MYO1C: variants seen among roughly 807,000 people sequenced by gnomAD.
MYO1C encodes the protein unconventional myosin-Ic.
A neutral mutation model predicts 150.8 loss-of-function variants in MYO1C; 104 were observed. The ratio of observed to expected loss-of-function variants is 0.69; its 90% CI spans 0.59 to 0.81. MYO1C has a LOEUF of 0.81. Ranked by LOEUF, MYO1C falls within the 30% of genes least tolerant of loss-of-function variation. The pLI is 0.00. For missense variants in MYO1C, 1,504 were observed against 1,435.0 expected (o/e 1.05, Z -0.78); for synonymous variants, 663 against 579.9 (o/e 1.14, Z -2.06).
chr17:1,472,003 A>G lies in MYO1C; in HGVS notation c.1925T>C (p.Ile642Thr), dbSNP rs1352738599. The part of the protein sequence containing the change: ...KQPGRFDEVL[I>T]RHQVKYLGLL... The stretch of plus-strand genomic sequence containing the variant: ...CCCCAGGTACTTCACCTGGTGGCGG[A>G]TCAGCACCTCGTCAAAGCGGCCTGG... Residue 642 changes from isoleucine to threonine, a missense_variant, in exon 19 of 32, where the codon ATC (isoleucine) becomes ACC (threonine). Physicochemically the swap from Ile to Thr is moderately conservative, Grantham distance 89. Coordinates refer to ENST00000648651, the MANE Select transcript of MYO1C (RefSeq NM_001080779.2). 2 of 1,613,836 alleles carry G rather than the reference A, an allele frequency of 1.2e-6. No homozygotes were observed. Among genetic ancestry groups the G allele is most frequent in the Non-Finnish European group, 8.5e-7 (1 of 1,179,976 alleles).
chr17:1,470,505 A>ACTGG lies in MYO1C; in HGVS notation c.2292_2295dup (p.Ser766ProfsTer78). 1.0e-5 allele frequency: 16 copies of ACTGG among 1,552,464 alleles called. No individual in the cohort carries two copies. Among genetic ancestry groups the ACTGG allele is most frequent in the Non-Finnish European group, 1.3e-5 (15 of 1,147,772 alleles). On this transcript the variant is annotated frameshift_variant, in exon 23 of 32. Transcript: ENST00000648651. LOFTEE classifies it high-confidence loss of function. ...CGGCCCAGTGTTCCACGCCACCACGACTGGATGCAGATGGCTGTCGTGGAG... is the reference window on the plus strand; with the variant it reads ...CGGCCCAGTGTTCCACGCCACCACGACTGGCTGGATGCAGATGGCTGTCGTGGAG...
At chr17:1,474,543 G>A in intron 17 of MYO1C, 67 bp downstream of exon 17, 1 of 1,531,136 alleles carries the variant, frequency 6.5e-7, no homozygotes, top group South Asian at 1.1e-5. Flanking sequence ...CAGCTCCCAG[G>A]CTCACACAGG....
intron 14 of MYO1C, among the ~76,000 whole-genome samples, chr17:1,476,556 G>A (rs1391535984): frequency 1.3e-5 from 2 of 152,106 alleles, no homozygotes; most frequent in Non-Finnish European, 2.9e-5. Context: ...ACCCCAGCTC[G>A]GCAACCCAGA....
chr17:1,469,447 C>CGGTAAATA, intron 25 of MYO1C, 84 bp downstream of exon 25: 194 of 1,279,902 alleles, frequency 1.5e-4, no homozygotes, highest in Non-Finnish European at 2.0e-4. Flanking sequence ...GGGGTAAATG[C>CGGTAAATA]CCCTCCAGGC....
At chr17:1,489,241 G>A (rs182380157) in intron 1 of MYO1C, among the ~76,000 whole-genome samples, 23 of 152,364 alleles carry the variant, frequency 1.5e-4, no homozygotes, top group Admixed American at 9.8e-4. Context: ...TGTTGTGAAG[G>A]GAAATGGGGA....
At chr17:1,476,721 C>T (rs1009035593) in intron 14 of MYO1C, among the ~76,000 whole-genome samples, 2 of 152,192 alleles carry the variant, frequency 1.3e-5, no homozygotes, top group Non-Finnish European at 2.9e-5. Flanking sequence ...TTCTACCTCT[C>T]CCCACTTCAG....
At chr17:1,485,659 G>T in intron 1 of MYO1C, 1 of 1,210,200 alleles carries the variant, frequency 8.3e-7, no homozygotes, top group Non-Finnish European at 1.0e-6. Context: ...GGACGCCCGG[G>T]ACCCCCCGCC....
At position 1,483,772 on chromosome 17, in the gene MYO1C, G is replaced by A. The variant is rs190660110; in HGVS notation, c.232-47C>T. On this transcript the variant is annotated intron_variant, in intron 2 of 31. Transcript: ENST00000648651. The stretch of plus-strand genomic sequence containing the variant: ...CCAAAGTTTATCCCGGGCCAGGTGC[G>A]ATGGCTCATGCCTGTAATCCCAGCA... The A allele has an allele frequency of 3.5e-5, 51 of 1,438,862 alleles. No homozygotes were observed. The East Asian group carries it at 9.1e-4, about 26-fold the overall frequency. The allele number at this position is 1,438,862 out of a possible 1,614,324, so 89.1% of individuals were successfully genotyped here.
chr17:1,470,013 T>G (rs567723184), intron 24 of MYO1C, among the ~76,000 whole-genome samples, 162 bp downstream of exon 24: 13 of 151,376 alleles, frequency 8.6e-5, no homozygotes, highest in Non-Finnish European at 1.5e-5. Context: ...GGCGAAAGTG[T>G]GAGACTCCAT....
At chr17:1,475,598 G>C (rs77801456) in intron 14 of MYO1C, among the ~76,000 whole-genome samples, 2,360 of 152,376 alleles carry the variant, frequency 0.015, 56 homozygotes, top group African/African-American at 0.055. Context: ...GGCCGCTGCG[G>C]GCTCTGCTCA....
chr17:1,469,638 G>C, intron 24 of MYO1C, 24 bp from the exon 25 acceptor site: 2 of 1,569,304 alleles, frequency 1.3e-6, no homozygotes, highest in Non-Finnish European at 1.7e-6. Flanking sequence ...TGAGGTCAGA[G>C]GTCCTGGACA....
At chr17:1,467,612 G>A (rs765785602) in intron 29 of MYO1C, 35 bp from the exon 30 acceptor site, 17 of 1,600,006 alleles carry the variant, frequency 1.1e-5, no homozygotes, top group Non-Finnish European at 1.4e-5. Flanking sequence ...GTCAGGCCCT[G>A]CCCAGAACTT....
At position 1,472,168 on chromosome 17, in the gene MYO1C, G is replaced by A. The variant is rs752720407; in HGVS notation, c.1858C>T (p.Pro620Ser). The stretch of plus-strand genomic sequence containing the variant: ...GGTTTGATGCAGCGGACGTAGGCGG[G>A]CTCCTTAGACTGCAGGATCTCCACC... Reference protein sequence around the residue: ...QLVEILQSKEPAYVRCIKPND... With the variant: ...QLVEILQSKESAYVRCIKPND... The change falls in exon 18 of 32, where the codon CCC becomes TCC. Residue 620 changes from proline (P) to serine (S), a missense_variant. Transcript: ENST00000648651. 12 of 1,614,162 alleles carry A rather than the reference G, an allele frequency of 7.4e-6. No individual in the cohort carries two copies. The South Asian group carries it at 1.3e-4, about 18-fold the overall frequency.
At chr17:1,466,459 T>G (rs1369575911) in intron 31 of MYO1C, among the ~76,000 whole-genome samples, 1 of 151,464 alleles carries the variant, frequency 6.6e-6, no homozygotes, top group East Asian at 1.9e-4. Context: ...GCCTCCCAAG[T>G]AGCTGGGATT....
At position 1,476,442 on chromosome 17, in the gene MYO1C, C is replaced by T. The variant is rs556258715; in HGVS notation, c.1574+1063G>A. On this transcript the variant is annotated intron_variant, in intron 14 of 31. Coordinates refer to ENST00000648651, the MANE Select transcript of MYO1C (RefSeq NM_001080779.2). ...TGCCCACCTAGGCCTCCCACAGTGT[C>T]GGGATGACAGGCGTGAGCCACCACG... is the stretch of plus-strand genomic sequence containing the variant. Among the ~76,000 whole-genome samples the T allele has an allele frequency of 1.4e-4, 22 of 152,278 alleles. 1 individual carries two copies. The South Asian group carries it at 3.3e-3, about 23-fold the overall frequency.
In MYO1C at chr17:1,480,744, A is replaced by G; in HGVS notation, c.769T>C (p.Leu257=). 6.2e-7 allele frequency: 1 copy of G among 1,614,144 alleles called. No individual in the cohort carries two copies. Among genetic ancestry groups the G allele is most frequent in the South Asian group, 1.1e-5 (1 of 91,082 alleles). Reference sequence around the variant, plus strand: ...AGGTAGCTCTGGGGGTTCCGTTCCAAGCCCAGCCTGCGAAGAGTCTCCTCC... The same window carrying G: ...AGGTAGCTCTGGGGGTTCCGTTCCAGGCCCAGCCTGCGAAGAGTCTCCTCC... ...GEEETLRRLG[L]ERNPQSYLYL... Residue 257 remains leucine (L), a synonymous_variant, in exon 6 of 32, where the codon TTG becomes CTG. Coordinates refer to ENST00000648651, the MANE Select transcript of MYO1C (RefSeq NM_001080779.2).
chr17:1,492,449 G>A lies in MYO1C; in HGVS notation c.39C>T (p.Ile13=), dbSNP rs377419402. The A allele has an allele frequency of 1.2e-6, 2 of 1,607,942 alleles. No homozygotes were observed. Among genetic ancestry groups the A allele is most frequent in the African/African-American group, 1.3e-5 (1 of 74,932 alleles). The part of the protein sequence containing the change: ...LQVELVPTGE[I]IRVVHPHRPC... ...GCCTGTGGGGATGAACCACGCGGATGATCTCCCCGGTGGGTACCAGCTCCA... is the reference window on the plus strand; with the variant it reads ...GCCTGTGGGGATGAACCACGCGGATAATCTCCCCGGTGGGTACCAGCTCCA... Residue 13 remains isoleucine (I), a synonymous_variant, in exon 1 of 32, where the codon ATC becomes ATT. Coordinates refer to ENST00000648651, the MANE Select transcript of MYO1C (RefSeq NM_001080779.2).
intron 1 of MYO1C, among the ~76,000 whole-genome samples, chr17:1,489,281 C>G (rs1338564483): frequency 6.6e-6 from 1 of 152,224 alleles, no homozygotes; most frequent in Non-Finnish European, 1.5e-5. Flanking sequence ...GGTCTCTACC[C>G]TGATTGCTCA....
chr17:1,477,448 C>A, intron 14 of MYO1C, 57 bp downstream of exon 14: 1 of 1,521,710 alleles, frequency 6.6e-7, no homozygotes, highest in Non-Finnish European at 9.1e-7. Flanking sequence ...CTCCTGCACT[C>A]CGCAGGCTCT....
Sources: gnomAD v4.1 joint callset for allele counts (sites outside exome capture counted in the v4.1 genomes callset) on GRCh38, gnomAD v4.1.1 for gene constraint, MANE v1.5 for transcripts, NCBI Gene and HGNC (gene_info 2026-07-23, HGNC 2026-07-21) for gene names.